The following ARHGAP5 variants were observed in gnomAD, a reference collection of about 807,000 sequenced individuals.
ARHGAP5 encodes Rho GTPase activating protein 5, also known as rho GTPase-activating protein 5.
In ARHGAP5, 23 loss-of-function variants were observed where a neutral mutation model predicts 116.6. The observed-to-expected ratio is 0.20, with a 90% CI of 0.14 to 0.28. The LOEUF (loss-of-function observed/expected upper bound fraction) is 0.28, where lower values mean the gene tolerates loss of function less well. ARHGAP5 is among the 10% of genes least tolerant of loss of function. ARHGAP5 has a pLI of 1.00. For synonymous variants in ARHGAP5, 574 were observed against 602.0 expected, an observed-to-expected ratio of 0.95 and a Z score of 0.68; for missense variants, 1,405 against 1,774.8, an observed-to-expected ratio of 0.79 and a Z score of 3.74.
Position 32,154,859 on chromosome 14 carries a change from G to A in ARHGAP5, c.4420G>A (p.Glu1474Lys). The A allele has an allele frequency of 6.2e-7, 1 of 1,614,080 alleles. No homozygotes were observed. The highest frequency in any genetic ancestry group is 8.5e-7 in the Non-Finnish European group (1 of 1,179,976). The change falls in exon 7 of 7, where the codon GAA (glutamate) becomes AAA (lysine). Residue 1474 changes from glutamate to lysine, a missense_variant. Transcript: ENST00000345122. ...ACCTTCAAACCCAGGACAGTTGGTG[G>A]AACCAATGGTGCCACTTCAGTTGCC... ...PPPSNPGQLV[E>K]PMVPLQLPPP...
rs74653588 is a variant in ARHGAP5 at position 32,112,986 on chromosome 14, A to C, written c.3718-4154A>C. 5.3e-4 allele frequency among the ~76,000 whole-genome samples: 81 copies of C among 152,352 alleles called. 2 individuals carry two copies. The East Asian group carries it at 0.014, about 27-fold the overall frequency. ...TATCAAAAACTAGATATAAACAATA[A>C]AATACCATGCTACTAATTTTTCTCT... On this transcript the variant is annotated intron_variant, in intron 2 of 6. Coordinates refer to ENST00000345122, the MANE Select transcript of ARHGAP5 (RefSeq NM_001030055.2).
At chr14:32,077,599 T>G (rs2041720826) in intron 1 of ARHGAP5, among the ~76,000 whole-genome samples, 164 bp downstream of exon 1, 1 of 152,132 alleles carries the variant, frequency 6.6e-6, no homozygotes, top group Non-Finnish European at 1.5e-5. Flanking sequence ...CGCTCGGTTT[T>G]CGCAGGCCGG....
chr14:32,103,242 T>C lies in ARHGAP5; in HGVS notation c.3717+8856T>C, dbSNP rs1878869372. 4.6e-5 allele frequency among the ~76,000 whole-genome samples: 7 copies of C among 152,358 alleles called. 1 individual carries two copies. In the South Asian group the frequency reaches 1.4e-3, roughly 32 times the overall value. On this transcript the variant is annotated intron_variant, in intron 2 of 6. Transcript: ENST00000345122. ...GTAGTGCAAGTATTTCTGGCAGTAT[T>C]TTACTATTTGCCATTTCTTTGAATT... is the stretch of plus-strand genomic sequence containing the variant.
At chr14:32,080,974 C>G (rs1347160239) in intron 1 of ARHGAP5, among the ~76,000 whole-genome samples, 1 of 152,046 alleles carries the variant, frequency 6.6e-6, no homozygotes, top group Admixed American at 6.5e-5. Flanking sequence ...AGCTTTTCAT[C>G]ATGAAGAGTT....
chr14:32,104,992 G>T (rs1483775073), intron 2 of ARHGAP5, among the ~76,000 whole-genome samples: 3 of 152,080 alleles, frequency 2.0e-5, no homozygotes, highest in African/African-American at 7.2e-5. Flanking sequence ...AGAAGCCAGG[G>T]TTACTGCTAA....
Position 32,133,032 on chromosome 14 carries a change from T to G in ARHGAP5, c.3866-13231T>G, listed in dbSNP as rs895046785. On this transcript the variant is annotated intron_variant, in intron 3 of 6. Coordinates refer to ENST00000345122, the MANE Select transcript of ARHGAP5 (RefSeq NM_001030055.2). ...AGTCAGGTAGTGTGATGCCTCCAGCTTTGTTCTTTTGACTTAGGATTGACT... is the reference window on the plus strand; with the variant it reads ...AGTCAGGTAGTGTGATGCCTCCAGCGTTGTTCTTTTGACTTAGGATTGACT... Among the ~76,000 whole-genome samples, 7 of 152,338 alleles carry G rather than the reference T, an allele frequency of 4.6e-5. No homozygotes were observed. In the East Asian group the frequency reaches 5.8e-4, roughly 13 times the overall value.
chr14:32,120,275 C>A (rs187387609), intron 3 of ARHGAP5, among the ~76,000 whole-genome samples: 7 of 152,122 alleles, frequency 4.6e-5, no homozygotes, highest in Non-Finnish European at 7.4e-5. Flanking sequence ...TCTGTAGTGA[C>A]GTCTTTCTTC....
chr14:32,152,427 C>A lies in ARHGAP5; in HGVS notation c.4080C>A (p.Ile1360=). The stretch of plus-strand genomic sequence containing the variant: ...TTCACTGTTTTAATTTTACAGAAAT[C>A]CCGGATAAAACAGAACGTCTTCATG... The part of the protein sequence containing the change: ...LHPELLEAAK[I]PDKTERLHAL... The change falls in exon 6 of 7, where the codon ATC becomes ATA. Residue 1360 remains isoleucine (I), a synonymous_variant. Coordinates refer to ENST00000345122, the MANE Select transcript of ARHGAP5 (RefSeq NM_001030055.2). 6.3e-7 allele frequency: 1 copy of A among 1,588,816 alleles called. No homozygotes were observed. Among genetic ancestry groups the A allele is most frequent in the Non-Finnish European group, 8.6e-7 (1 of 1,168,318 alleles).
Position 32,117,188 on chromosome 14 carries a change from G to A in ARHGAP5, c.3766G>A (p.Glu1256Lys). ...NFNPPTRRNW[E>K]SNYFGMPLQD... is the part of the protein sequence containing the mutation. The stretch of plus-strand genomic sequence containing the variant: ...CAATCCACCAACACGTAGAAATTGG[G>A]AAAGTAATTACTTTGGGATGCCCCT... The change falls in exon 3 of 7, where the codon GAA (glutamate) becomes AAA (lysine). Residue 1256 changes from glutamate to lysine, a missense_variant. Transcript: ENST00000345122. The A allele has an allele frequency of 6.2e-7, 1 of 1,611,626 alleles. No individual in the cohort carries two copies. Among genetic ancestry groups the A allele is most frequent in the Non-Finnish European group, 8.5e-7 (1 of 1,178,662 alleles).
At chr14:32,144,687 T>C (rs1417868534) in intron 3 of ARHGAP5, among the ~76,000 whole-genome samples, 3 of 152,114 alleles carry the variant, frequency 2.0e-5, no homozygotes, top group African/African-American at 7.2e-5. Flanking sequence ...TTTCAACATG[T>C]TGGCCAGGCT....
intron 1 of ARHGAP5, among the ~76,000 whole-genome samples, chr14:32,086,986 T>TAAC (rs2041835909): frequency 6.6e-6 from 1 of 152,164 alleles, no homozygotes; most frequent in African/African-American, 2.4e-5. Context: ...GCTACTTTTG[T>TAAC]CTTGGTTTCT....
rs2041772743 is a variant in ARHGAP5 at position 32,081,500 on chromosome 14, G to C, written c.-169+4065G>C. ...GGAGGCGGAGCTTGCAGTGAGCCGA[G>C]ATCGCGCCACTGCACTCCAGCCTGG... On this transcript the variant is annotated intron_variant, in intron 1 of 6. Coordinates refer to ENST00000345122, the MANE Select transcript of ARHGAP5 (RefSeq NM_001030055.2). Among the ~76,000 whole-genome samples, 3 of 137,678 alleles carry C rather than the reference G, an allele frequency of 2.2e-5. No homozygotes were observed. The South Asian group carries it at 6.9e-4, about 32-fold the overall frequency. The allele number at this position is 137,678 out of a possible 152,430, so 90.3% of individuals were successfully genotyped here.
At chr14:32,113,533 C>G (rs1369266502) in intron 2 of ARHGAP5, among the ~76,000 whole-genome samples, 1 of 152,178 alleles carries the variant, frequency 6.6e-6, no homozygotes. Context: ...CTTGGTGTAA[C>G]TGCAGATTTA....
At chr14:32,128,930 T>A (rs1295110956) in intron 3 of ARHGAP5, among the ~76,000 whole-genome samples, 1 of 152,224 alleles carries the variant, frequency 6.6e-6, no homozygotes, top group East Asian at 1.9e-4. Flanking sequence ...ATGACTGTGT[T>A]CCCTGGTTTT....
At chr14:32,119,264 C>T (rs547238184) in intron 3 of ARHGAP5, among the ~76,000 whole-genome samples, 38 of 151,788 alleles carry the variant, frequency 2.5e-4, no homozygotes, top group African/African-American at 8.7e-4. Context: ...GTAGCATAAC[C>T]TTCTTATATT....
chr14:32,143,224 GTTGTTGTTGTTGTTGTTA>G (rs1205182286), intron 3 of ARHGAP5, among the ~76,000 whole-genome samples: 5 of 147,178 alleles, frequency 3.4e-5, no homozygotes, highest in African/African-American at 1.3e-4. Context: ...TGTTGTTGTT[GTTGTTGTTGTTGTTGTTA>G]TTATTATTAT....
rs2138985163 is a variant in ARHGAP5 at position 32,077,407 on chromosome 14, G to A, written c.-197G>A. On this transcript the variant is annotated 5_prime_UTR_variant, in exon 1 of 7. Transcript: ENST00000345122. The stretch of plus-strand genomic sequence containing the variant: ...CACCGCCGGGGCCGCTGCCGTTGAG[G>A]AGGAGACGGAGGAGACCGACGTTGT... 1.4e-6 allele frequency: 1 copy of A among 705,666 alleles called. No homozygotes were observed. Among genetic ancestry groups the A allele is most frequent in the East Asian group, 2.7e-5 (1 of 37,550 alleles). The allele number at this position is 705,666 out of a possible 1,614,324, so 43.7% of individuals were successfully genotyped here. A position where few individuals can be genotyped will look rare whatever the true frequency, so the allele number is the denominator to read the frequency against.
chr14:32,134,934 C>G (rs1282272059), intron 3 of ARHGAP5, among the ~76,000 whole-genome samples: 2 of 152,126 alleles, frequency 1.3e-5, no homozygotes, highest in Non-Finnish European at 2.9e-5. Context: ...CCAGAGTGTT[C>G]TTATATTTCA....
At chr14:32,127,812 C>T (rs925321768) in intron 3 of ARHGAP5, among the ~76,000 whole-genome samples, 15 of 151,774 alleles carry the variant, frequency 9.9e-5, no homozygotes, top group African/African-American at 3.1e-4. Flanking sequence ...ACCTCCCAGA[C>T]GGGGTGGCCG....
Sources: gnomAD v4.1 joint callset for allele counts (sites outside exome capture counted in the v4.1 genomes callset) on GRCh38, gnomAD v4.1.1 for gene constraint, MANE v1.5 for transcripts, NCBI Gene and HGNC (gene_info 2026-07-23, HGNC 2026-07-21) for gene names.